ZNF316: variants seen among roughly 807,000 people sequenced by gnomAD.
ZNF316 encodes the protein zinc finger protein 316.
Under a neutral mutation model 75.6 loss-of-function variants are expected in ZNF316, and 23 were observed. That is an observed-to-expected ratio of 0.30 (90% CI 0.22 to 0.43). ZNF316 has a LOEUF of 0.43. Among genes scored for constraint, ZNF316 ranks in the 20% least tolerant of loss-of-function variants. ZNF316 has a pLI of 1.00. For missense variants in ZNF316, 1,266 were observed against 1,409.4 expected (o/e 0.90, Z 1.63); for synonymous variants, 827 against 666.2 (o/e 1.24, Z -3.72).
At position 6,642,424 on chromosome 7, in the gene ZNF316, C is replaced by T; in HGVS notation, c.15C>T (p.His5=). 8.1e-7 allele frequency: 1 copy of T among 1,232,150 alleles called. No individual in the cohort carries two copies. The highest frequency in any genetic ancestry group is 4.1e-5 in the South Asian group (1 of 24,242). 76.3% of individuals were successfully genotyped at this position (1,232,150 alleles called of 1,614,324 possible). MAAL[H]TTPDSPAAQL... ...TCCCAGGGAGGATGGCGGCGCTCCA[C>T]ACGACTCCCGACTCCCCAGCTGCCC... Residue 5 remains histidine (H), a synonymous_variant, in exon 5 of 9, where the codon CAC becomes CAT. Coordinates refer to ENST00000382252, the MANE Select transcript of ZNF316 (RefSeq NM_001278559.2). The surrounding 1 kb of genome is among the most constrained non-coding windows in gnomAD (Gnocchi z 8.1).
intron 8 of ZNF316, 88 bp downstream of exon 8, chr7:6,644,681 C>A: frequency 1.5e-6 from 1 of 650,806 alleles, no homozygotes; most frequent in Non-Finnish European, 2.2e-6. Flanking sequence ...CTCTGCAGAC[C>A]TGGTACCTGG....
In ZNF316 at chr7:6,652,375, C is replaced by T. The variant is rs1779521910; in HGVS notation, c.779C>T (p.Ala260Val). 8.1e-7 allele frequency: 1 copy of T among 1,232,360 alleles called. No individual in the cohort carries two copies. 76.3% of individuals were successfully genotyped at this position (1,232,360 alleles called of 1,614,324 possible). ...GACGAGGACTTCCTGGCGGAGGTGGCCGAGGAGGAGAACGAGCCCCCAGGG... is the reference window on the plus strand; with the variant it reads ...GACGAGGACTTCCTGGCGGAGGTGGTCGAGGAGGAGAACGAGCCCCCAGGG... ...EDDEDFLAEV[A>V]EEENEPPGLW... Residue 260 changes from alanine (A) to valine (V), a missense_variant, in exon 9 of 9, where the codon GCC becomes GTC. Physicochemically the swap from Ala to Val is moderately conservative, Grantham distance 64 (BLOSUM62 0). Around this residue, in one of 3 missense-constraint regions of ZNF316, gnomAD observed 961 missense variants for 990.9 expected, o/e 0.97. Coordinates refer to ENST00000382252, the MANE Select transcript of ZNF316 (RefSeq NM_001278559.2).
chr7:6,638,549 C>G (rs148915268), intron 2 of ZNF316, among the ~76,000 whole-genome samples: 3 of 152,194 alleles, frequency 2.0e-5, no homozygotes, highest in Non-Finnish European at 4.4e-5. Context: ...GCCCTTGCCT[C>G]GCTCCCTTCT....
intron 8 of ZNF316, among the ~76,000 whole-genome samples, chr7:6,647,140 G>T (rs564850822): frequency 6.6e-6 from 1 of 152,278 alleles, no homozygotes; most frequent in South Asian, 2.1e-4. Flanking sequence ...CCCTGTACTT[G>T]TGGGACTGTC....
intron 8 of ZNF316, among the ~76,000 whole-genome samples, chr7:6,650,707 G>T (rs769636058): frequency 3.8e-4 from 58 of 152,194 alleles, no homozygotes; most frequent in Non-Finnish European, 6.9e-4. Flanking sequence ...GGGGACCCAG[G>T]TGGGGTGAGG....
At position 6,653,361 on chromosome 7, in the gene ZNF316, G is replaced by A; in HGVS notation, c.1765G>A (p.Glu589Lys). 1 of 1,226,098 alleles carries A rather than the reference G, an allele frequency of 8.2e-7. No individual in the cohort carries two copies. The highest frequency in any genetic ancestry group is 1.6e-5 in the African/African-American group (1 of 64,128). 76.0% of individuals were successfully genotyped at this position (1,226,098 alleles called of 1,614,324 possible). A position where few individuals can be genotyped will look rare whatever the true frequency, so the allele number is the denominator to read the frequency against. The change falls in exon 9 of 9, where the codon GAA (glutamate) becomes AAA (lysine). Residue 589 changes from glutamate to lysine, a missense_variant. By Grantham distance (56) the Glu-to-Lys change is moderately conservative. Coordinates refer to ENST00000382252, the MANE Select transcript of ZNF316 (RefSeq NM_001278559.2). ...LELGNGLGEG[E>K]GPSSHPLGFH... ...GCTGGGCAACGGCCTGGGGGAGGGC[G>A]AAGGCCCCTCCTCCCACCCGCTGGG...
chr7:6,648,918 G>A (rs952107416), intron 8 of ZNF316, among the ~76,000 whole-genome samples: 1 of 152,178 alleles, frequency 6.6e-6, no homozygotes, highest in African/African-American at 2.4e-5. Context: ...GCTGTGCCTG[G>A]TGCTGATGCC....
Position 6,640,387 on chromosome 7 carries a change from C to A in ZNF316, c.-167+1246C>A, listed in dbSNP as rs1015855780. On this transcript the variant is annotated intron_variant, in intron 3 of 8. Transcript: ENST00000382252. The surrounding 1 kb of genome is among the most constrained non-coding windows in gnomAD (Gnocchi z 5.1). The stretch of plus-strand genomic sequence containing the variant: ...TCAGGAAGCCTTTAATCATGGTGGA[C>A]GGTGAGGGGGAGTAGGTATGTCACA... 6.6e-6 allele frequency among the ~76,000 whole-genome samples: 1 copy of A among 151,932 alleles called. No homozygotes were observed. Among genetic ancestry groups the A allele is most frequent in the African/African-American group, 2.4e-5 (1 of 41,336 alleles).
Position 6,653,545 on chromosome 7 carries a change from G to A in ZNF316, c.1949G>A (p.Cys650Tyr), listed in dbSNP as rs1231240297. 8.3e-7 allele frequency: 1 copy of A among 1,205,058 alleles called. No homozygotes were observed. The highest frequency in any genetic ancestry group is 1.0e-6 in the Non-Finnish European group (1 of 971,454). The allele number at this position is 1,205,058 out of a possible 1,614,324, so 74.6% of individuals were successfully genotyped here. A position where few individuals can be genotyped will look rare whatever the true frequency, so the allele number is the denominator to read the frequency against. The part of the protein sequence containing the change: ...LSLVEGTGLA[C>Y]DPFGGGGAAG... ...CTGGTGGAGGGTACCGGGCTGGCGT[G>A]CGACCCTTTCGGCGGCGGCGGGGCC... Residue 650 changes from cysteine (C) to tyrosine (Y), a missense_variant, in exon 9 of 9, where the codon TGC (cysteine) becomes TAC (tyrosine). Cys to Tyr is a radical substitution (Grantham distance 194). This residue lies in a region of ZNF316 where 961 missense variants were observed against 990.9 expected (regional missense o/e 0.97). Coordinates refer to ENST00000382252, the MANE Select transcript of ZNF316 (RefSeq NM_001278559.2).
In ZNF316 at chr7:6,653,761, C is replaced by G; in HGVS notation, c.2165C>G (p.Ala722Gly). ...GCGGGCGAGCGGCCGCATCGCTGCG[C>G]CGACTGCGGCAAGAGCTTCGTGTAC... ...YHAGERPHRC[A>G]DCGKSFVYGS... The change falls in exon 9 of 9, where the codon GCC (alanine) becomes GGC (glycine). Residue 722 changes from alanine to glycine, a missense_variant. Transcript: ENST00000382252. The G allele has an allele frequency of 4.6e-6, 5 of 1,092,502 alleles. No individual in the cohort carries two copies. The highest frequency in any genetic ancestry group is 5.6e-6 in the Non-Finnish European group (5 of 897,190). The allele number at this position is 1,092,502 out of a possible 1,614,324, so 67.7% of individuals were successfully genotyped here.
At chr7:6,647,675 C>T (rs2115314551) in intron 8 of ZNF316, among the ~76,000 whole-genome samples, 1 of 152,306 alleles carries the variant, frequency 6.6e-6, no homozygotes, top group South Asian at 2.1e-4. Context: ...CGCCGTGGGG[C>T]CCAGGTCAGG....
chr7:6,648,066 C>T (rs1005160183), intron 8 of ZNF316, among the ~76,000 whole-genome samples: 4 of 152,164 alleles, frequency 2.6e-5, no homozygotes, highest in Admixed American at 2.6e-4. Flanking sequence ...AGCTGGAGAG[C>T]CTGCAGTTGT....
At chr7:6,646,390 C>T (rs575758126) in intron 8 of ZNF316, among the ~76,000 whole-genome samples, 3 of 152,292 alleles carry the variant, frequency 2.0e-5, no homozygotes, top group Admixed American at 6.5e-5. Flanking sequence ...CGTCCCTCAG[C>T]GTGTGGTCTA....
At chr7:6,648,724 C>T (rs1189222321) in intron 8 of ZNF316, among the ~76,000 whole-genome samples, 5 of 152,148 alleles carry the variant, frequency 3.3e-5, no homozygotes, top group Non-Finnish European at 7.4e-5. Flanking sequence ...TGAGGTGAAG[C>T]CAAGGGAGAG....
chr7:6,650,522 C>T (rs537030570), intron 8 of ZNF316, among the ~76,000 whole-genome samples: 3 of 152,304 alleles, frequency 2.0e-5, no homozygotes, highest in East Asian at 3.9e-4. Context: ...TCTAGGTCCC[C>T]ATATGGAATG....
rs544269651 is a variant in ZNF316 at position 6,643,320 on chromosome 7, C to T, written c.465+247C>T. ...TTGCTTTGGCTGCCACCCACTCAAC[C>T]GCACTGTGCACAGCGACTTCAGAGG... On this transcript the variant is annotated intron_variant, in intron 6 of 8. Coordinates refer to ENST00000382252, the MANE Select transcript of ZNF316 (RefSeq NM_001278559.2). Among the ~76,000 whole-genome samples, 16 of 152,330 alleles carry T rather than the reference C, an allele frequency of 1.1e-4. No individual in the cohort carries two copies. In the East Asian group the frequency reaches 1.7e-3, roughly 17 times the overall value.
At chr7:6,650,034 T>C (rs901288738) in intron 8 of ZNF316, among the ~76,000 whole-genome samples, 13 of 152,206 alleles carry the variant, frequency 8.5e-5, no homozygotes, top group African/African-American at 2.9e-4. Flanking sequence ...CGCTGAGTCT[T>C]GGCTGTTTCC....
At chr7:6,645,091 G>T (rs1455831449) in intron 8 of ZNF316, among the ~76,000 whole-genome samples, 2 of 152,240 alleles carry the variant, frequency 1.3e-5, no homozygotes, top group African/African-American at 4.8e-5. Flanking sequence ...TTGGAGTGAT[G>T]GGTGCAGAAG....
chr7:6,654,315 C>T lies in ZNF316; in HGVS notation c.2719C>T (p.Arg907Cys). The part of the protein sequence containing the change: ...SQRSVLVTHQ[R>C]THTGERPYAC... The stretch of plus-strand genomic sequence containing the variant: ...GCGCTCGGTGCTGGTCACGCACCAG[C>T]GCACACATACGGGCGAGCGGCCCTA... The change falls in exon 9 of 9, where the codon CGC becomes TGC. Residue 907 changes from arginine (R) to cysteine (C), a missense_variant. Transcript: ENST00000382252. 1.6e-6 allele frequency: 2 copies of T among 1,223,818 alleles called. No homozygotes were observed. Among genetic ancestry groups the T allele is most frequent in the Non-Finnish European group, 2.0e-6 (2 of 982,438 alleles). The allele number at this position is 1,223,818 out of a possible 1,614,324, so 75.8% of individuals were successfully genotyped here. A position where few individuals can be genotyped will look rare whatever the true frequency, so the allele number is the denominator to read the frequency against.
Sources: gnomAD v4.1 joint callset for allele counts (sites outside exome capture counted in the v4.1 genomes callset) on GRCh38, gnomAD v4.1.1 for gene constraint, gnomAD v4.1.1 regional missense constraint, Gnocchi (gnomAD v3.1) non-coding constraint, MANE v1.5 for transcripts, NCBI Gene and HGNC (gene_info 2026-07-23, HGNC 2026-07-21) for gene names.